MFSD11: variants seen among roughly 807,000 people sequenced by gnomAD.
The protein encoded by MFSD11 is UNC93-like protein MFSD11.
Under a neutral mutation model 53.5 loss-of-function variants are expected in MFSD11, and 36 were observed. The observed-to-expected ratio is 0.67, with a 90% CI of 0.52 to 0.89. The LOEUF (loss-of-function observed/expected upper bound fraction) is 0.89, where lower values mean the gene tolerates loss of function less well. MFSD11 is among the 40% of genes least tolerant of loss of function. The pLI is 0.00. For missense variants in MFSD11, 530 were observed against 543.9 expected (o/e 0.97, Z 0.25); for synonymous variants, 186 against 184.9 (o/e 1.01, Z -0.05).
At chr17:76,782,603 C>T (rs1381243428), downstream of MFSD11, among the ~76,000 whole-genome samples, 1 of 151,116 alleles carries the variant, frequency 6.6e-6, no homozygotes. Flanking sequence ...CTCAGCCTCC[C>T]GAGTAGCTGG....
the MFSD11 span, among the ~76,000 whole-genome samples, chr17:76,793,274 G>C: frequency 2.0e-5 from 3 of 151,350 alleles, 1 homozygote; most frequent in African/African-American, 7.4e-5. Context: ...GACCATAGAA[G>C]ATGGCCACAC....
At chr17:76,751,541 TCATGCCTGTCTCTACAGGCATGGTGGTG>T (rs539671025) in intron 7 of MFSD11, among the ~76,000 whole-genome samples, 2 of 151,294 alleles carry the variant, frequency 1.3e-5, no homozygotes, top group African/African-American at 4.9e-5. Context: ...AATTTAAAAA[TCATGCCTGTCTCTACAGGCATGGTGGTG>T]CATGCCTGTA....
rs1044604276 is a variant in MFSD11, at chr17:76,772,331, G to A, written c.874+2460G>A. 2.0e-5 allele frequency among the ~76,000 whole-genome samples: 3 copies of A among 151,428 alleles called. No individual in the cohort carries two copies. The East Asian group carries it at 5.9e-4, about 30-fold the overall frequency. Reference sequence around the variant, plus strand: ...TCCCAGCTACTTGGGAGGCTGAAGTGGGAGGTTGCAGTGAATCCAGATCAC... The same window carrying A: ...TCCCAGCTACTTGGGAGGCTGAAGTAGGAGGTTGCAGTGAATCCAGATCAC... On this transcript the variant is annotated intron_variant, in intron 10 of 12. Transcript: ENST00000685175.
Position 76,738,155 on chromosome 17 carries a change from CCTAA to C in MFSD11, c.-195_-192del, listed in dbSNP as rs2077677895. On this transcript the variant is annotated 5_prime_UTR_variant, in exon 1 of 13. Transcript: ENST00000685175. ...TACTCGGATCGCTTCTTAGGAGTAT[CCTAA>C]CTGCCGGTGGGGAGAACTTCGCCCT... 2 of 603,218 alleles carry C rather than the reference CCTAA, an allele frequency of 3.3e-6. No homozygotes were observed. The highest frequency in any genetic ancestry group is 2.9e-6 in the Non-Finnish European group (1 of 341,276). 37.4% of individuals were successfully genotyped at this position (603,218 alleles called of 1,614,324 possible).
upstream of MFSD11, chr17:76,737,366 G>T (rs778467656): frequency 1.2e-4 from 72 of 585,562 alleles, no homozygotes; most frequent in Non-Finnish European, 2.5e-5. Context: ...CGTTTATATC[G>T]CTCCTCACAA....
the MFSD11 span, among the ~76,000 whole-genome samples, chr17:76,786,537 T>G: frequency 6.6e-6 from 1 of 152,114 alleles, no homozygotes; most frequent in African/African-American, 2.4e-5. Context: ...CAGCTGGGTC[T>G]TAAGGAAAAG....
chr17:76,794,700 T>G, the MFSD11 span, among the ~76,000 whole-genome samples: 334 of 2,646 alleles, frequency 0.13, 19 homozygotes, highest in African/African-American at 0.18. Flanking sequence ...TTTTTTTTTT[T>G]TTTTTGTTTT....
chr17:76,763,856 A>ATGTTTT, intron 8 of MFSD11, among the ~76,000 whole-genome samples: 1 of 150,810 alleles, frequency 6.6e-6, no homozygotes, highest in Admixed American at 6.6e-5. Context: ...GAGGTACAAC[A>ATGTTTT]TGTTTTTGTT....
chr17:76,774,002 T>A (rs1427014796), intron 10 of MFSD11, among the ~76,000 whole-genome samples: 1 of 152,128 alleles, frequency 6.6e-6, no homozygotes, highest in Admixed American at 6.6e-5. Context: ...CTTGGTTCAC[T>A]GCAACATCTG....
chr17:76,780,520 T>G (rs1272500372), downstream of MFSD11, among the ~76,000 whole-genome samples: 3 of 150,784 alleles, frequency 2.0e-5, no homozygotes, highest in Admixed American at 6.6e-5. Flanking sequence ...TGTATGTGTT[T>G]TTTTTTTTTT....
chr17:76,754,683 C>CAA (rs10667934), intron 8 of MFSD11, among the ~76,000 whole-genome samples: 105,894 of 119,264 alleles, frequency 0.89, 47,267 homozygotes, highest in Non-Finnish European at 0.91. Context: ...GACTCCATCT[C>CAA]AAAAAAAAAA....
chr17:76,738,894 A>G, intron 1 of MFSD11, 44 bp from the exon 2 acceptor site: 1 of 1,518,084 alleles, frequency 6.6e-7, no homozygotes, highest in Non-Finnish European at 9.1e-7. Context: ...GGTGGGAGGG[A>G]GACTGCAAAA....
chr17:76,785,842 A>G (rs547314791), downstream of MFSD11, among the ~76,000 whole-genome samples: 1 of 152,092 alleles, frequency 6.6e-6, no homozygotes, highest in South Asian at 2.1e-4. Context: ...GCGCTTTGGG[A>G]GGCCAAGGCA....
chr17:76,774,907 G>A, intron 10 of MFSD11, 90 bp from the exon 11 acceptor site: 1 of 1,324,850 alleles, frequency 7.5e-7, no homozygotes, highest in South Asian at 1.4e-5. Context: ...AAGTGAGAAT[G>A]TTTATTCCTT....
chr17:76,738,210 T>TG lies in MFSD11; in HGVS notation c.-141dup. On this transcript the variant is annotated 5_prime_UTR_variant, in exon 1 of 13. Coordinates refer to ENST00000685175, the MANE Select transcript of MFSD11 (RefSeq NM_001242532.5). ...AAACCTGGGGTTCCGATCCAGGAAC[T>TG]GGAAGTTGACAGCTTGGCTGCCTGG... The TG allele has an allele frequency of 1.6e-6, 1 of 628,272 alleles. No individual in the cohort carries two copies. Among genetic ancestry groups the TG allele is most frequent in the East Asian group, 2.7e-5 (1 of 36,752 alleles). 38.9% of individuals were successfully genotyped at this position (628,272 alleles called of 1,614,324 possible).
chr17:76,738,053 C>T (rs1298637369), upstream of MFSD11: 1 of 408,388 alleles, frequency 2.4e-6, no homozygotes, highest in African/African-American at 2.1e-5. Context: ...GGCACTTGGC[C>T]CTTTAATCCC....
At chr17:76,791,177 A>G in the MFSD11 span, among the ~76,000 whole-genome samples, 17 of 148,406 alleles carry the variant, frequency 1.1e-4, 2 homozygotes, top group Non-Finnish European at 2.2e-4. Flanking sequence ...TAAATCTGGA[A>G]GTTTTGATGT....
chr17:76,746,970 G>A (rs529261038), intron 7 of MFSD11, among the ~76,000 whole-genome samples: 4 of 151,424 alleles, frequency 2.6e-5, no homozygotes, highest in Non-Finnish European at 4.4e-5. Context: ...GTGCAGTGGC[G>A]GGATCTCGGC....
At chr17:76,740,330 A>AT (rs1192281061) in intron 2 of MFSD11, among the ~76,000 whole-genome samples, 7 of 152,222 alleles carry the variant, frequency 4.6e-5, no homozygotes, top group African/African-American at 1.4e-4. Flanking sequence ...CGTACAAGAC[A>AT]TATGTACTAG....
Sources: allele counts gnomAD v4.1 joint callset (sites outside exome capture counted in the v4.1 genomes callset), GRCh38; gene constraint gnomAD v4.1.1; transcripts MANE v1.5; gene names NCBI Gene and HGNC (gene_info 2026-07-23, HGNC 2026-07-21).